FANCC: variants seen among roughly 807,000 people sequenced by gnomAD.
FANCC encodes the protein FA complementation group C.
Under a neutral mutation model 71.3 loss-of-function variants are expected in FANCC, and 55 were observed. That is an observed-to-expected ratio of 0.77 (90% CI 0.62 to 0.97). The LOEUF (loss-of-function observed/expected upper bound fraction) is 0.97. FANCC is among the 50% of genes least tolerant of loss of function. FANCC has a pLI of 0.00. For missense variants in FANCC, 678 were observed against 670.9 expected (o/e 1.01, Z -0.12); for synonymous variants, 275 against 244.9 (o/e 1.12, Z -1.15).
chr9:95,209,447 T>C (rs1298443295), intron 4 of FANCC, among the ~76,000 whole-genome samples: 2 of 152,208 alleles, frequency 1.3e-5, no homozygotes, highest in Non-Finnish European at 2.9e-5. Context: ...GAGGGGACTG[T>C]TGATAACAGG....
At chr9:95,286,747 C>T (rs1833712454) in intron 1 of FANCC, among the ~76,000 whole-genome samples, 2 of 152,182 alleles carry the variant, frequency 1.3e-5, no homozygotes, top group Non-Finnish European at 2.9e-5. Context: ...TCATCAGACC[C>T]AGTGTCCAGC....
chr9:95,135,352 T>C lies in FANCC; in HGVS notation c.837A>G (p.Ser279=), dbSNP rs772163673. ...ATCAAAACCCAGTACGTACCAGCGATGAATCTTTTATAAAGCATTCGATCC... is the reference window on the plus strand; with the variant it reads ...ATCAAAACCCAGTACGTACCAGCGACGAATCTTTTATAAAGCATTCGATCC... ...LRRIECFIKD[S]SLPQAACHPA... The change falls in exon 8 of 15, where the codon TCA becomes TCG. Residue 279 remains serine (S), a synonymous_variant. Coordinates refer to ENST00000289081, the MANE Select transcript of FANCC (RefSeq NM_000136.3). 7 of 1,613,918 alleles carry C rather than the reference T, an allele frequency of 4.3e-6. No individual in the cohort carries two copies. The highest frequency in any genetic ancestry group is 5.9e-6 in the Non-Finnish European group (7 of 1,179,992).
intron 4 of FANCC, among the ~76,000 whole-genome samples, chr9:95,232,864 A>G (rs1049608930): frequency 1.4e-4 from 22 of 152,190 alleles, no homozygotes; most frequent in African/African-American, 5.3e-4. Context: ...ACCAACAGCA[A>G]CTTCAGGGAT....
chr9:95,239,146 C>T (rs1240963700), intron 4 of FANCC, among the ~76,000 whole-genome samples: 1 of 152,180 alleles, frequency 6.6e-6, no homozygotes. Context: ...AACACGTCAC[C>T]TGCCCCAGGA....
At chr9:95,116,461 A>C (rs1404304671) in intron 11 of FANCC, among the ~76,000 whole-genome samples, 1 of 152,232 alleles carries the variant, frequency 6.6e-6, no homozygotes, top group African/African-American at 2.4e-5. Context: ...GAAACTTTGA[A>C]TCATTTGCAT....
In FANCC at chr9:95,247,444, T is replaced by C. The variant is rs1064793110; in HGVS notation, c.238A>G (p.Ile80Val). ...LLAKACWNPFILAYDESQKIL... is the reference protein window; with the variant it reads ...LLAKACWNPFVLAYDESQKIL... The stretch of plus-strand genomic sequence containing the variant: ...TTTTGATTCTTACCATATGCTAAAA[T>C]AAAAGGATTCCAACAAGCTTTTGCC... The change falls in exon 3 of 15, where the codon ATT (isoleucine) becomes GTT (valine). Residue 80 changes from isoleucine to valine, a missense_variant. Transcript: ENST00000289081. 3 of 1,612,720 alleles carry C rather than the reference T, an allele frequency of 1.9e-6. No individual in the cohort carries two copies. Among genetic ancestry groups the C allele is most frequent in the Admixed American group, 1.7e-5 (1 of 59,990 alleles).
In FANCC at chr9:95,249,186, G is replaced by C. The variant is rs544496341; in HGVS notation, c.106C>G (p.Leu36Val). ...AACTCCTGGAACTGAGCCACGTGAA[G>C]ACAGGTGTCTTGCTGGGTTTCCAAA... is the stretch of plus-strand genomic sequence containing the variant. ...STLETQQDTC[L>V]HVAQFQEFLR... The change falls in exon 2 of 15, where the codon CTT (leucine) becomes GTT (valine). Residue 36 changes from leucine to valine, a missense_variant. Leu to Val is a conservative substitution (Grantham distance 32). Transcript: ENST00000289081. 2 of 1,614,108 alleles carry C rather than the reference G, an allele frequency of 1.2e-6. No homozygotes were observed. Among genetic ancestry groups the C allele is most frequent in the South Asian group, 2.2e-5 (2 of 91,076 alleles).
At chr9:95,293,801 T>C (rs545716389) in intron 1 of FANCC, 1 of 1,613,864 alleles carries the variant, frequency 6.2e-7, no homozygotes, top group South Asian at 1.1e-5. Context: ...TCCAGTCGGG[T>C]GGGGTCTCCT....
At chr9:95,231,732 G>A (rs1588321638) in intron 4 of FANCC, among the ~76,000 whole-genome samples, 1 of 152,220 alleles carries the variant, frequency 6.6e-6, no homozygotes, top group Non-Finnish European at 1.5e-5. Flanking sequence ...GAATTCTTAT[G>A]AGGGTGCAAA....
chr9:95,274,144 AG>A (rs1258910181), intron 1 of FANCC, among the ~76,000 whole-genome samples: 5 of 152,122 alleles, frequency 3.3e-5, no homozygotes, highest in African/African-American at 1.2e-4. Flanking sequence ...CATCTACGTT[AG>A]GTATTTCTTC....
Position 95,101,463 on chromosome 9 carries a change from C to T in FANCC, c.*244G>A. The T allele has an allele frequency of 1.8e-6, 1 of 567,978 alleles. No homozygotes were observed. The highest frequency in any genetic ancestry group is 3.2e-6 in the Non-Finnish European group (1 of 316,894). The allele number at this position is 567,978 out of a possible 1,614,324, so 35.2% of individuals were successfully genotyped here. A position where few individuals can be genotyped will look rare whatever the true frequency, so the allele number is the denominator to read the frequency against. On this transcript the variant is annotated 3_prime_UTR_variant, in exon 15 of 15. Transcript: ENST00000289081. ...AGCTGACGGTCTGGCCGGGCGGGCA[C>T]CAGGAGTACCGAAGGCTCACTTGAG...
chr9:95,148,079 G>C (rs896986241), intron 7 of FANCC, among the ~76,000 whole-genome samples: 2 of 152,176 alleles, frequency 1.3e-5, no homozygotes, highest in African/African-American at 4.8e-5. Context: ...TCAGAGCCGA[G>C]ACAGCCCTCA....
chr9:95,247,205 G>A lies in FANCC; in HGVS notation c.250+227C>T, dbSNP rs929465577. On this transcript the variant is annotated intron_variant, in intron 3 of 14. Transcript: ENST00000289081. ...TTTTCCTGAAGATCTGCATGGGTGC[G>A]TGCACGCGTGTGTGTGTGTGTGTGT... 7.5e-5 allele frequency among the ~76,000 whole-genome samples: 10 copies of A among 133,404 alleles called. No homozygotes were observed. In the South Asian group the frequency reaches 7.6e-4, roughly 10 times the overall value. 87.5% of individuals were successfully genotyped at this position (133,404 alleles called of 152,430 possible).
At chr9:95,158,972 A>G (rs1239976133) in intron 6 of FANCC, among the ~76,000 whole-genome samples, 2 of 152,216 alleles carry the variant, frequency 1.3e-5, no homozygotes, top group Non-Finnish European at 2.9e-5. Flanking sequence ...AAGGACACGG[A>G]TGTCCTAGCA....
chr9:95,279,203 A>C (rs1174686978), intron 1 of FANCC, among the ~76,000 whole-genome samples: 2 of 152,070 alleles, frequency 1.3e-5, no homozygotes, highest in African/African-American at 4.8e-5. Context: ...TTGCAGTCCT[A>C]ATCACTCAGG....
At chr9:95,195,245 C>CTT (rs34718357) in intron 4 of FANCC, among the ~76,000 whole-genome samples, 2 of 88,478 alleles carry the variant, frequency 2.3e-5, no homozygotes, top group African/African-American at 8.4e-5. Context: ...GTTCCAGAGC[C>CTT]TTTTTTTTTT....
intron 4 of FANCC, among the ~76,000 whole-genome samples, chr9:95,195,223 C>T (rs1034045790): frequency 2.2e-5 from 3 of 134,772 alleles, no homozygotes; most frequent in Admixed American, 2.2e-4. Flanking sequence ...AAAAAAAAAC[C>T]AACTATGCCT....
chr9:95,239,746 A>C (rs1284589943), intron 4 of FANCC, among the ~76,000 whole-genome samples: 4 of 152,244 alleles, frequency 2.6e-5, no homozygotes, highest in African/African-American at 9.6e-5. Context: ...GAAAAATATA[A>C]ATACTGTCTT....
At chr9:95,103,283 C>T (rs991285036) in intron 14 of FANCC, among the ~76,000 whole-genome samples, 1 of 152,176 alleles carries the variant, frequency 6.6e-6, no homozygotes, top group Non-Finnish European at 1.5e-5. Context: ...TCCCAGCTCT[C>T]TAGTCACATG....
Sources: allele counts gnomAD v4.1 joint callset (sites outside exome capture counted in the v4.1 genomes callset), GRCh38; gene constraint gnomAD v4.1.1; transcripts MANE v1.5; gene names NCBI Gene and HGNC (gene_info 2026-07-23, HGNC 2026-07-21).